The following PPM1H variants were observed in gnomAD, a reference collection of about 807,000 sequenced individuals.
The protein encoded by PPM1H is protein phosphatase, Mg2+/Mn2+ dependent 1H, also known as protein phosphatase 1H.
PPM1H carries 27 observed loss-of-function variants against 54.9 expected under a neutral mutation model. That is an observed-to-expected ratio of 0.49 (90% CI 0.36 to 0.68). The LOEUF is 0.68. Among genes scored for constraint, PPM1H ranks in the 30% least tolerant of loss-of-function variants. The pLI, the probability that PPM1H is intolerant of heterozygous loss-of-function variation, is 0.00. For synonymous variants in PPM1H, 305 were observed against 270.8 expected (o/e 1.13, Z -1.24); for missense variants, 596 against 667.8 (o/e 0.89, Z 1.19).
chr12:62,678,576 C>A (rs2076000476), intron 8 of PPM1H, among the ~76,000 whole-genome samples: 1 of 152,172 alleles, frequency 6.6e-6, no homozygotes, highest in African/African-American at 2.4e-5. Context: ...ATGCACACAA[C>A]TGATTTTTAT....
intron 6 of PPM1H, among the ~76,000 whole-genome samples, chr12:62,709,097 T>C (rs148166283): frequency 1.9e-4 from 28 of 150,918 alleles, no homozygotes; most frequent in African/African-American, 6.6e-4. Flanking sequence ...TTTGCTTCAC[T>C]GCCCACCACT....
intron 8 of PPM1H, among the ~76,000 whole-genome samples, chr12:62,685,907 A>G (rs996525602): frequency 2.6e-5 from 4 of 152,258 alleles, no homozygotes; most frequent in Admixed American, 1.3e-4. Context: ...TCAATTAAAA[A>G]TAAACTTGGT....
intron 4 of PPM1H, among the ~76,000 whole-genome samples, chr12:62,744,069 T>C (rs914076601): frequency 1.3e-5 from 2 of 151,988 alleles, no homozygotes; most frequent in Non-Finnish European, 2.9e-5. Flanking sequence ...CTTTTGACGT[T>C]ATTCATTGGG....
intron 4 of PPM1H, among the ~76,000 whole-genome samples, chr12:62,764,236 T>C (rs961725732): frequency 6.6e-6 from 1 of 152,134 alleles, no homozygotes; most frequent in Non-Finnish European, 1.5e-5. Context: ...AGTCAGGATG[T>C]GGAGGCACCG....
At chr12:62,766,063 G>C (rs73314565) in intron 4 of PPM1H, among the ~76,000 whole-genome samples, 27,415 of 152,144 alleles carry the variant, frequency 0.18, 2,943 homozygotes, top group African/African-American at 0.3. Context: ...GTGGCCAGCC[G>C]TGTAAGGGGC....
At chr12:62,913,953 G>C (rs1226093961) in intron 1 of PPM1H, among the ~76,000 whole-genome samples, 1 of 152,174 alleles carries the variant, frequency 6.6e-6, no homozygotes, top group African/African-American at 2.4e-5. Context: ...GCTGGCCTCA[G>C]CCTCCCAAAG....
At position 62,845,048 on chromosome 12, in the gene PPM1H, T is replaced by C. The variant is rs138625945; in HGVS notation, c.246-12769A>G. Among the ~76,000 whole-genome samples, 6 of 152,360 alleles carry C rather than the reference T, an allele frequency of 3.9e-5. No homozygotes were observed. The East Asian group carries it at 1.2e-3, about 29-fold the overall frequency. ...AATTCCACCTCTGGCTTCTGCCTTA[T>C]AAATAAGTTCTCACCCTATTAACAG... On this transcript the variant is annotated intron_variant, in intron 1 of 9. Transcript: ENST00000228705.
chr12:62,775,111 G>A (rs1022799368), intron 4 of PPM1H, among the ~76,000 whole-genome samples: 2 of 152,188 alleles, frequency 1.3e-5, no homozygotes, highest in African/African-American at 4.8e-5. Flanking sequence ...GAATGTCTGC[G>A]CTGGATTGAT....
chr12:62,897,257 A>T (rs1871022274), intron 1 of PPM1H, among the ~76,000 whole-genome samples: 2 of 152,114 alleles, frequency 1.3e-5, no homozygotes, highest in Non-Finnish European at 2.9e-5. Flanking sequence ...AATAAAAAAA[A>T]ATTGCCAGTG....
chr12:62,656,707 T>C (rs1437279981), intron 9 of PPM1H, among the ~76,000 whole-genome samples: 1 of 152,162 alleles, frequency 6.6e-6, no homozygotes, highest in African/African-American at 2.4e-5. Flanking sequence ...CTCCATCTGC[T>C]GACACCCGCA....
At chr12:62,813,873 A>G (rs74098860) in intron 2 of PPM1H, among the ~76,000 whole-genome samples, 2,355 of 152,236 alleles carry the variant, frequency 0.015, 54 homozygotes, top group African/African-American at 0.054. Context: ...CACTTAAATC[A>G]ATGCCTGGCA....
At chr12:62,843,005 A>T (rs1032454403) in intron 1 of PPM1H, among the ~76,000 whole-genome samples, 4 of 152,158 alleles carry the variant, frequency 2.6e-5, no homozygotes, top group Non-Finnish European at 5.9e-5. Flanking sequence ...TGACTGTTGT[A>T]AAAAAAGAAA....
At chr12:62,695,252 G>A (rs1381197393) in intron 6 of PPM1H, among the ~76,000 whole-genome samples, 1 of 152,154 alleles carries the variant, frequency 6.6e-6, no homozygotes. Context: ...AATCAGTGAG[G>A]TTTTGGCACC....
intron 3 of PPM1H, 110 bp from the exon 4 acceptor site, chr12:62,788,448 A>G (rs1435259393): frequency 1.5e-6 from 1 of 684,184 alleles, no homozygotes; most frequent in Non-Finnish European, 2.5e-6. Context: ...TCAAGAAGGG[A>G]CTAGAAAAAT....
In PPM1H at chr12:62,705,763, A is replaced by G. The variant is rs193292490; in HGVS notation, c.1074-11764T>C. 7.2e-5 allele frequency among the ~76,000 whole-genome samples: 11 copies of G among 152,346 alleles called. No homozygotes were observed. The East Asian group carries it at 1.7e-3, about 24-fold the overall frequency. ...GAGCACACAAATGTGAAGTGATTTC[A>G]GCTTTCTCAGAGACCATTTATTCTG... On this transcript the variant is annotated intron_variant, in intron 6 of 9. Coordinates refer to ENST00000228705, the MANE Select transcript of PPM1H (RefSeq NM_020700.2).
intron 5 of PPM1H, among the ~76,000 whole-genome samples, chr12:62,722,529 C>A (rs2076269347): frequency 1.3e-5 from 2 of 152,134 alleles, no homozygotes; most frequent in Non-Finnish European, 1.5e-5. Flanking sequence ...CTTTAACCTA[C>A]ACACACATTT....
intron 1 of PPM1H, among the ~76,000 whole-genome samples, chr12:62,846,913 G>A (rs1357419557): frequency 6.6e-5 from 10 of 152,172 alleles, no homozygotes; most frequent in Admixed American, 2.0e-4. Context: ...GGAGGTTAAT[G>A]GGCTACTGTG....
At chr12:62,845,664 T>C (rs1221713176) in intron 1 of PPM1H, among the ~76,000 whole-genome samples, 1 of 152,166 alleles carries the variant, frequency 6.6e-6, no homozygotes, top group East Asian at 1.9e-4. Flanking sequence ...CCCAGACAAC[T>C]TTCCCTGGGA....
chr12:62,882,181 C>A (rs1028861405), intron 1 of PPM1H, among the ~76,000 whole-genome samples: 1 of 152,226 alleles, frequency 6.6e-6, no homozygotes, highest in African/African-American at 2.4e-5. Context: ...TATTGAAACT[C>A]TTCAACTCAT....
Sources: allele counts gnomAD v4.1 joint callset (sites outside exome capture counted in the v4.1 genomes callset), GRCh38; gene constraint gnomAD v4.1.1; transcripts MANE v1.5; gene names NCBI Gene and HGNC (gene_info 2026-07-23, HGNC 2026-07-21).